MYBL2: variants seen among roughly 807,000 people sequenced by gnomAD.
The protein encoded by MYBL2 is MYB proto-oncogene like 2, also known as myb-related protein B.
In MYBL2, 28 loss-of-function variants were observed where a neutral mutation model predicts 79.9. The ratio of observed to expected loss-of-function variants is 0.35; its 90% CI spans 0.26 to 0.48. The LOEUF (loss-of-function observed/expected upper bound fraction) is 0.48. MYBL2 is among the 20% of genes least tolerant of loss of function. The pLI is 0.99. For synonymous variants in MYBL2, 378 were observed against 361.2 expected (o/e 1.05, Z -0.53); for missense variants, 735 against 893.9 (o/e 0.82, Z 2.27).
chr20:43,716,469 A>T lies in MYBL2; in HGVS notation c.*382A>T, dbSNP rs906023543. ...TGGTGCATTTTTTTGGAAGAATAAA[A>T]TTGCCTCTCTCTTTGTGCTGGTCTG... On this transcript the variant is annotated 3_prime_UTR_variant, in exon 14 of 14. Coordinates refer to ENST00000217026, the MANE Select transcript of MYBL2 (RefSeq NM_002466.4). The T allele has an allele frequency of 4.6e-5, 11 of 238,982 alleles. No individual in the cohort carries two copies. The highest frequency in any genetic ancestry group is 2.6e-4 in the African/African-American group (11 of 42,724). The allele number at this position is 238,982 out of a possible 1,614,324, so 14.8% of individuals were successfully genotyped here. A position where few individuals can be genotyped will look rare whatever the true frequency, so the allele number is the denominator to read the frequency against.
intron 8 of MYBL2, among the ~76,000 whole-genome samples, chr20:43,704,863 CT>C (rs1264991734): frequency 6.6e-6 from 1 of 152,214 alleles, no homozygotes; most frequent in Non-Finnish European, 1.5e-5. Context: ...TGTCACATGC[CT>C]TTTGCCTTCA....
Position 43,700,060 on chromosome 20 carries a change from C to T in MYBL2, c.951+16C>T, listed in dbSNP as rs1241453104. On this transcript the variant is annotated intron_variant, in intron 7 of 13. Transcript: ENST00000217026. ...GATCGAGTCGGTATGTTGGTCACAA[C>T]ACTTCACAGTGAGCACAGAACACCC... The T allele has an allele frequency of 1.9e-6, 3 of 1,610,546 alleles. No individual in the cohort carries two copies. Among genetic ancestry groups the T allele is most frequent in the Admixed American group, 1.7e-5 (1 of 59,930 alleles).
intron 8 of MYBL2, 105 bp from the exon 9 acceptor site, chr20:43,705,114 G>GT (rs1987750902): frequency 1.2e-5 from 17 of 1,450,650 alleles, no homozygotes; most frequent in Non-Finnish European, 1.4e-5. Context: ...CAGAGCAGAC[G>GT]TTTTGGGGGA....
At chr20:43,694,492 A>G (rs1427119664) in intron 6 of MYBL2, among the ~76,000 whole-genome samples, 1 of 152,180 alleles carries the variant, frequency 6.6e-6, no homozygotes, top group Non-Finnish European at 1.5e-5. Flanking sequence ...TAATTTTAAA[A>G]AATCTTTTTC....
intron 6 of MYBL2, among the ~76,000 whole-genome samples, chr20:43,694,360 A>C (rs2145722928): frequency 7.5e-6 from 1 of 133,744 alleles, no homozygotes; most frequent in African/African-American, 2.8e-5. Flanking sequence ...AAAATTAAAT[A>C]AATAAATAAA....
rs1986738859 is a variant in MYBL2, at chr20:43,667,291, G to A, written c.8G>A (p.Arg3Gln). The A allele has an allele frequency of 2.4e-6, 3 of 1,228,342 alleles. No homozygotes were observed. Among genetic ancestry groups the A allele is most frequent in the South Asian group, 4.1e-5 (1 of 24,284 alleles). 76.1% of individuals were successfully genotyped at this position (1,228,342 alleles called of 1,614,324 possible). Residue 3 changes from arginine (R) to glutamine (Q), a missense_variant, in exon 1 of 14, where the codon CGG (arginine) becomes CAG (glutamine). By Grantham distance (43) the Arg-to-Gln change is conservative. This residue lies in a region of MYBL2 where 79 missense variants were observed against 86.7 expected (regional missense o/e 0.91). Coordinates refer to ENST00000217026, the MANE Select transcript of MYBL2 (RefSeq NM_002466.4). ...GCGGTCCGGGCCGGGGGGATGTCTC[G>A]GCGGACGCGCTGGTGAGACGAGCCG... MS[R>Q]RTRCEDLDEL...
At chr20:43,708,892 G>A (rs777224134) in intron 9 of MYBL2, among the ~76,000 whole-genome samples, 39 of 152,216 alleles carry the variant, frequency 2.6e-4, no homozygotes, top group Admixed American at 2.0e-4. Flanking sequence ...CATTTGACTT[G>A]TGCTTATCTG....
At chr20:43,670,960 C>CTTTTTTTTT (rs766959084) in intron 1 of MYBL2, among the ~76,000 whole-genome samples, 2 of 144,576 alleles carry the variant, frequency 1.4e-5, no homozygotes, top group African/African-American at 2.7e-5. Flanking sequence ...CCTATGATTT[C>CTTTTTTTTT]TTTTTTTTCT....
chr20:43,698,993 G>A (rs1007111602), intron 6 of MYBL2, among the ~76,000 whole-genome samples: 3 of 151,898 alleles, frequency 2.0e-5, no homozygotes, highest in African/African-American at 7.3e-5. Context: ...ATAAGCCACT[G>A]TACCTGGTCT....
intron 6 of MYBL2, among the ~76,000 whole-genome samples, chr20:43,695,973 G>A (rs1317288312): frequency 6.6e-6 from 1 of 151,944 alleles, no homozygotes; most frequent in African/African-American, 2.4e-5. Flanking sequence ...AGCCGAGTTC[G>A]CACTGCTGCA....
At chr20:43,670,732 A>G (rs1986834425) in intron 1 of MYBL2, among the ~76,000 whole-genome samples, 1 of 152,160 alleles carries the variant, frequency 6.6e-6, no homozygotes, top group African/African-American at 2.4e-5. Context: ...TTTGGAGAAC[A>G]AGGAGAAGGT....
At chr20:43,700,100 TTC>T in intron 7 of MYBL2, 56 bp downstream of exon 7, 6 of 1,577,594 alleles carry the variant, frequency 3.8e-6, no homozygotes, top group East Asian at 4.5e-5. Flanking sequence ...CAGGAAGTGC[TTC>T]TCTCTCAGGC....
intron 12 of MYBL2, among the ~76,000 whole-genome samples, chr20:43,713,876 C>G (rs1056715034): frequency 6.6e-6 from 1 of 152,158 alleles, no homozygotes; most frequent in Non-Finnish European, 1.5e-5. Context: ...CCTCTCTGCT[C>G]ACAATGGGGT....
Position 43,705,852 on chromosome 20 carries a change from C to T in MYBL2, c.1505+494C>T, listed in dbSNP as rs189077666. Among the ~76,000 whole-genome samples the T allele has an allele frequency of 2.1e-3, 318 of 152,158 alleles. 1 individual carries two copies. The highest frequency in any genetic ancestry group is 7.1e-3 in the African/African-American group (293 of 41,512). ...AGTAGCTAGGACTACAGGCATCCGC[C>T]ACCGCGCTCAGCTAATTTTTTGTAT... On this transcript the variant is annotated intron_variant, in intron 9 of 13. Coordinates refer to ENST00000217026, the MANE Select transcript of MYBL2 (RefSeq NM_002466.4).
chr20:43,706,714 A>G (rs1009462952), intron 9 of MYBL2, among the ~76,000 whole-genome samples: 1 of 11,994 alleles, frequency 8.3e-5, no homozygotes, highest in Non-Finnish European at 1.8e-4. Context: ...ACAAAAAAAA[A>G]AAAAGTTTTT....
At chr20:43,704,084 G>A (rs1987728922) in intron 8 of MYBL2, among the ~76,000 whole-genome samples, 1 of 152,128 alleles carries the variant, frequency 6.6e-6, no homozygotes, top group Admixed American at 6.6e-5. Context: ...CATGATCACA[G>A]CTCACTGCAA....
In MYBL2 at chr20:43,700,007, G is replaced by A. The variant is rs751336313; in HGVS notation, c.914G>A (p.Gly305Asp). 6.2e-7 allele frequency: 1 copy of A among 1,613,472 alleles called. No individual in the cohort carries two copies. Among genetic ancestry groups the A allele is most frequent in the South Asian group, 1.1e-5 (1 of 91,090 alleles). The change falls in exon 7 of 14, where the codon GGT (glycine) becomes GAT (aspartate). Residue 305 changes from glycine to aspartate, a missense_variant. By Grantham distance (94) the Gly-to-Asp change is moderately conservative. Transcript: ENST00000217026. ...EAANLLIPAV[G>D]SSLSEALDLI... ...GCTAACCTCCTCATCCCTGCTGTGG[G>A]TTCTAGCCTCTCTGAAGCCCTGGAC...
intron 6 of MYBL2, among the ~76,000 whole-genome samples, chr20:43,694,281 G>A (rs1242180506): frequency 6.6e-6 from 1 of 152,032 alleles, no homozygotes; most frequent in African/African-American, 2.4e-5. Context: ...GCAGTGAGCC[G>A]AGATCACGCC....
chr20:43,669,359 C>T (rs1382981718), intron 1 of MYBL2, among the ~76,000 whole-genome samples: 10 of 152,208 alleles, frequency 6.6e-5, no homozygotes, highest in Non-Finnish European at 1.3e-4. Context: ...CTCTAGACCA[C>T]CCCAGGTCCT....
Sources: gnomAD v4.1 joint callset for allele counts (sites outside exome capture counted in the v4.1 genomes callset) on GRCh38, gnomAD v4.1.1 for gene constraint, gnomAD v4.1.1 regional missense constraint, MANE v1.5 for transcripts, NCBI Gene and HGNC (gene_info 2026-07-23, HGNC 2026-07-21) for gene names.